The following FSTL5 variants were observed in gnomAD, a reference collection of about 807,000 sequenced individuals.
FSTL5 encodes the protein follistatin like 5, also known as follistatin-related protein 5.
FSTL5 carries 62 observed loss-of-function variants against 89.1 expected under a neutral mutation model. That is an observed-to-expected ratio of 0.70 (90% CI 0.57 to 0.86). The LOEUF (loss-of-function observed/expected upper bound fraction) is 0.86. Ranked by LOEUF, FSTL5 falls within the 40% of genes least tolerant of loss-of-function variation. The probability of loss-of-function intolerance (pLI) is 0.00; values close to 1 mark genes in which losing one functional copy is unlikely to be tolerated. For synonymous variants in FSTL5, 383 were observed against 346.2 expected, an observed-to-expected ratio of 1.11 and a Z score of -1.18; for missense variants, 1,057 against 1,001.6, an observed-to-expected ratio of 1.06 and a Z score of -0.75.
chr4:162,017,428 T>C (rs1423905805), intron 3 of FSTL5, among the ~76,000 whole-genome samples: 1 of 152,184 alleles, frequency 6.6e-6, no homozygotes, highest in Admixed American at 6.6e-5. Flanking sequence ...ACTAAAATTA[T>C]TATAAATGTT....
chr4:161,908,206 C>G (rs761342057), intron 4 of FSTL5, among the ~76,000 whole-genome samples: 2 of 151,906 alleles, frequency 1.3e-5, no homozygotes, highest in African/African-American at 2.4e-5. Flanking sequence ...TTTGGGAAAA[C>G]TAAGACTGTG....
In FSTL5 at chr4:162,041,202, T is replaced by TA. The variant is rs5863513; in HGVS notation, c.127-7545dup. ...GAATTTATAGAGAAAGATGAGATGGTAAAAAAAAAAAAAAAAAAAAAAAGG... is the reference window on the plus strand; with the variant it reads ...GAATTTATAGAGAAAGATGAGATGGTAAAAAAAAAAAAAAAAAAAAAAAAGG... On this transcript the variant is annotated intron_variant, in intron 2 of 15. Coordinates refer to ENST00000306100, the MANE Select transcript of FSTL5 (RefSeq NM_020116.5). Among the ~76,000 whole-genome samples, 967 of 97,728 alleles carry TA rather than the reference T, an allele frequency of 9.9e-3. 15 individuals are homozygous for TA. Among genetic ancestry groups the TA allele is most frequent in the African/African-American group, 0.031 (797 of 25,324 alleles). 64.1% of individuals were successfully genotyped at this position (97,728 alleles called of 152,430 possible).
At chr4:161,865,745 T>C (rs1306804659) in intron 4 of FSTL5, among the ~76,000 whole-genome samples, 1 of 152,190 alleles carries the variant, frequency 6.6e-6, no homozygotes, top group Non-Finnish European at 1.5e-5. Context: ...ATATTCTCCT[T>C]AGATTGCTAT....
chr4:161,458,706 A>C (rs1030766617), intron 14 of FSTL5, among the ~76,000 whole-genome samples: 3 of 152,196 alleles, frequency 2.0e-5, no homozygotes, highest in African/African-American at 7.2e-5. Flanking sequence ...TCATGACCAA[A>C]ATGCAGATTT....
intron 4 of FSTL5, among the ~76,000 whole-genome samples, chr4:161,911,615 G>A (rs1733694525): frequency 1.3e-5 from 2 of 152,276 alleles, no homozygotes; most frequent in Admixed American, 1.3e-4. Flanking sequence ...AGACATGACA[G>A]GTAGAGCTTC....
At chr4:161,763,107 T>C (rs2126792648) in intron 5 of FSTL5, among the ~76,000 whole-genome samples, 1 of 152,306 alleles carries the variant, frequency 6.6e-6, no homozygotes, top group South Asian at 2.1e-4. Flanking sequence ...TTACTGTTTT[T>C]ACTATTCTCC....
At chr4:161,995,234 A>G (rs922074894) in intron 3 of FSTL5, among the ~76,000 whole-genome samples, 1 of 152,182 alleles carries the variant, frequency 6.6e-6, no homozygotes, top group African/African-American at 2.4e-5. Context: ...TATGCCATAT[A>G]TTAGGCAAAT....
At chr4:161,684,125 G>T (rs1229569519) in intron 6 of FSTL5, among the ~76,000 whole-genome samples, 1 of 152,040 alleles carries the variant, frequency 6.6e-6, no homozygotes, top group Non-Finnish European at 1.5e-5. Context: ...ATGTACACAT[G>T]GTATACAGTA....
chr4:161,942,933 A>G (rs1052447874), intron 3 of FSTL5, among the ~76,000 whole-genome samples: 1 of 152,204 alleles, frequency 6.6e-6, no homozygotes, highest in African/African-American at 2.4e-5. Flanking sequence ...AATGCTAAAT[A>G]AACCATAAAA....
At chr4:161,537,847 C>A (rs995069273) in intron 10 of FSTL5, among the ~76,000 whole-genome samples, 2 of 152,032 alleles carry the variant, frequency 1.3e-5, no homozygotes, top group Admixed American at 6.6e-5. Flanking sequence ...CCTTGAATTC[C>A]CCACATTTAA....
intron 3 of FSTL5, among the ~76,000 whole-genome samples, chr4:161,940,436 G>A (rs905050908): frequency 8.6e-5 from 13 of 151,382 alleles, no homozygotes; most frequent in African/African-American, 3.2e-4. Flanking sequence ...TCCAATGAAC[G>A]TTCTGAAGGA....
chr4:162,013,515 A>G (rs1736829330), intron 3 of FSTL5, among the ~76,000 whole-genome samples: 1 of 152,212 alleles, frequency 6.6e-6, no homozygotes, highest in Non-Finnish European at 1.5e-5. Context: ...CATTCTTTCT[A>G]AAGGAAAAAG....
chr4:161,711,854 A>AGTGTATAGTTCTATTGATATG (rs1738792112), intron 6 of FSTL5, among the ~76,000 whole-genome samples: 1 of 152,190 alleles, frequency 6.6e-6, no homozygotes, highest in African/African-American at 2.4e-5. Flanking sequence ...AGTGTATCAT[A>AGTGTATAGTTCTATTGATATG]TCAATAGAAC....
intron 13 of FSTL5, among the ~76,000 whole-genome samples, chr4:161,461,050 A>T (rs1733550846): frequency 6.6e-6 from 1 of 151,300 alleles, no homozygotes; most frequent in African/African-American, 2.5e-5. Context: ...AACAGAGATA[A>T]CAGAAGGCTT....
intron 2 of FSTL5, among the ~76,000 whole-genome samples, chr4:162,054,695 T>C (rs879529499): frequency 1.3e-5 from 2 of 151,858 alleles, no homozygotes; most frequent in Non-Finnish European, 2.9e-5. Context: ...TTGTGTCTTT[T>C]TGAAGTGTGT....
chr4:161,815,232 T>C (rs1444995052), intron 4 of FSTL5, among the ~76,000 whole-genome samples: 1 of 152,040 alleles, frequency 6.6e-6, no homozygotes, highest in East Asian at 1.9e-4. Flanking sequence ...ACACATATTA[T>C]GGTATTATAA....
intron 4 of FSTL5, among the ~76,000 whole-genome samples, chr4:161,913,256 A>C (rs1309552981): frequency 1.3e-5 from 2 of 152,152 alleles, no homozygotes; most frequent in African/African-American, 4.8e-5. Flanking sequence ...TCTCCAGGCC[A>C]TGCCAGAGAC....
At chr4:161,480,663 G>A (rs1729472419) in intron 13 of FSTL5, among the ~76,000 whole-genome samples, 3 of 152,080 alleles carry the variant, frequency 2.0e-5, no homozygotes, top group South Asian at 4.1e-4. Context: ...CCTCAATTCC[G>A]GTTCTGTAAT....
intron 15 of FSTL5, among the ~76,000 whole-genome samples, chr4:161,390,964 C>T (rs1383023104): frequency 3.3e-5 from 5 of 151,146 alleles, no homozygotes; most frequent in East Asian, 2.0e-4. Context: ...CTCCTCCAAC[C>T]CCATCATCTA....
Sources: allele counts gnomAD v4.1 joint callset (sites outside exome capture counted in the v4.1 genomes callset), GRCh38; gene constraint gnomAD v4.1.1; transcripts MANE v1.5; gene names NCBI Gene and HGNC (gene_info 2026-07-23, HGNC 2026-07-21).